KCNMB2: variants seen among roughly 807,000 people sequenced by gnomAD.
KCNMB2 encodes the protein calcium-activated potassium channel subunit beta-2.
KCNMB2 carries 9 observed loss-of-function variants against 24.5 expected under a neutral mutation model. That is an observed-to-expected ratio of 0.37 (90% CI 0.22 to 0.64). KCNMB2 has a LOEUF of 0.64. KCNMB2 is among the 30% of genes least tolerant of loss of function. KCNMB2 has a pLI of 0.63. For synonymous variants in KCNMB2, 109 were observed against 104.4 expected (o/e 1.04, Z -0.27); for missense variants, 226 against 284.3 (o/e 0.79, Z 1.47).
chr3:178,828,858 C>T (rs1376230268), intron 4 of KCNMB2, among the ~76,000 whole-genome samples: 2 of 151,702 alleles, frequency 1.3e-5, no homozygotes, highest in African/African-American at 2.4e-5. Context: ...CTTGCAAGGT[C>T]CTTATGAAGA....
chr3:178,756,137 A>G (rs889762985), intron 1 of KCNMB2, among the ~76,000 whole-genome samples: 1 of 152,206 alleles, frequency 6.6e-6, no homozygotes, highest in African/African-American at 2.4e-5. Context: ...AAAGCAAATT[A>G]TAAAATTGTG....
At chr3:178,675,012 T>C (rs1419931529) in intron 1 of KCNMB2, among the ~76,000 whole-genome samples, 1 of 152,252 alleles carries the variant, frequency 6.6e-6, no homozygotes, top group Non-Finnish European at 1.5e-5. Context: ...TTATGTCCTC[T>C]GCTAATTGTT....
At chr3:178,634,919 G>A (rs907892599) in intron 1 of KCNMB2, among the ~76,000 whole-genome samples, 2 of 152,160 alleles carry the variant, frequency 1.3e-5, no homozygotes, top group African/African-American at 4.8e-5. Context: ...GGTAAAATGG[G>A]AGAGATAGAG....
intron 1 of KCNMB2, among the ~76,000 whole-genome samples, chr3:178,626,759 TGAG>T (rs1161813818): frequency 6.6e-6 from 1 of 151,894 alleles, no homozygotes; most frequent in Non-Finnish European, 1.5e-5. Flanking sequence ...GAATTCAAGA[TGAG>T]ATTTGGGTGG....
intron 1 of KCNMB2, among the ~76,000 whole-genome samples, chr3:178,642,462 C>T (rs1719761910): frequency 6.6e-6 from 1 of 152,160 alleles, no homozygotes; most frequent in South Asian, 2.1e-4. Flanking sequence ...TGCTCCCCAC[C>T]TTCCTCACAG....
intron 1 of KCNMB2, among the ~76,000 whole-genome samples, chr3:178,691,175 T>A (rs550220323): frequency 6.8e-6 from 1 of 147,010 alleles, no homozygotes; most frequent in South Asian, 2.2e-4. Context: ...CTTGAACTCC[T>A]GACCTCAAAT....
At chr3:178,757,131 T>C (rs1341545799) in intron 1 of KCNMB2, 1 of 150,346 alleles carries the variant, frequency 6.7e-6, no homozygotes, top group Non-Finnish European at 1.5e-5. Flanking sequence ...TTAAGTTTAT[T>C]TCCTTCTTGT....
intron 1 of KCNMB2, among the ~76,000 whole-genome samples, chr3:178,552,390 A>C (rs12629827): frequency 6.6e-6 from 1 of 151,756 alleles, no homozygotes; most frequent in African/African-American, 2.4e-5. Context: ...ACCCCCCCCC[A>C]AAATATTCTA....
chr3:178,732,014 C>T (rs564380136), intron 1 of KCNMB2, among the ~76,000 whole-genome samples: 8 of 152,208 alleles, frequency 5.3e-5, no homozygotes, highest in African/African-American at 1.9e-4. Flanking sequence ...CCAGCAAAAT[C>T]CAGACCGTGG....
chr3:178,578,695 A>G (rs9868952), intron 1 of KCNMB2, among the ~76,000 whole-genome samples: 1,869 of 152,338 alleles, frequency 0.012, 37 homozygotes, highest in African/African-American at 0.043. Flanking sequence ...TTACTAACCA[A>G]ATGGAAAGCA....
At chr3:178,792,246 G>A (rs1232945578) in intron 1 of KCNMB2, among the ~76,000 whole-genome samples, 3 of 152,172 alleles carry the variant, frequency 2.0e-5, no homozygotes, top group Non-Finnish European at 4.4e-5. Flanking sequence ...AAAGTGGGAT[G>A]AATTGAGTTA....
At chr3:178,585,891 A>T (rs1473372062) in intron 1 of KCNMB2, among the ~76,000 whole-genome samples, 2 of 152,174 alleles carry the variant, frequency 1.3e-5, no homozygotes. Context: ...TTTAGGAGTG[A>T]TTCATTCTCA....
At chr3:178,711,071 A>C (rs974709555) in intron 1 of KCNMB2, among the ~76,000 whole-genome samples, 17 of 152,160 alleles carry the variant, frequency 1.1e-4, no homozygotes, top group African/African-American at 4.1e-4. Context: ...ATAGTTTATT[A>C]AGTTTTCTTT....
At chr3:178,704,769 G>A (rs979187185) in intron 1 of KCNMB2, among the ~76,000 whole-genome samples, 2 of 152,264 alleles carry the variant, frequency 1.3e-5, no homozygotes, top group South Asian at 2.1e-4. Flanking sequence ...AGAGAACCAA[G>A]ACTAAAGTCC....
chr3:178,651,631 G>A (rs1296544860), intron 1 of KCNMB2, among the ~76,000 whole-genome samples: 1 of 152,100 alleles, frequency 6.6e-6, no homozygotes, highest in African/African-American at 2.4e-5. Context: ...TAAGCAAAAA[G>A]AACAAAGCTG....
At chr3:178,633,207 T>C (rs1052444695) in intron 1 of KCNMB2, among the ~76,000 whole-genome samples, 1 of 152,208 alleles carries the variant, frequency 6.6e-6, no homozygotes, top group African/African-American at 2.4e-5. Flanking sequence ...TCTACCATTC[T>C]GGGGTCTGAA....
At chr3:178,625,341 C>T (rs918879234) in intron 1 of KCNMB2, among the ~76,000 whole-genome samples, 1 of 152,300 alleles carries the variant, frequency 6.6e-6, no homozygotes, top group Admixed American at 6.5e-5. Context: ...TGGACCCCCC[C>T]ACCCCAACTA....
chr3:178,726,977 A>G (rs540733744), intron 1 of KCNMB2, among the ~76,000 whole-genome samples: 3 of 147,782 alleles, frequency 2.0e-5, no homozygotes, highest in Non-Finnish European at 1.5e-5. Context: ...CCCTGGCTAG[A>G]GATCTAAAAA....
At chr3:178,660,402 T>C (rs1720482717) in intron 1 of KCNMB2, among the ~76,000 whole-genome samples, 1 of 152,142 alleles carries the variant, frequency 6.6e-6, no homozygotes, top group South Asian at 2.1e-4. Context: ...AACTCTGCCA[T>C]GAAGCCCAAC....
Sources: allele counts gnomAD v4.1 joint callset (sites outside exome capture counted in the v4.1 genomes callset), GRCh38; gene constraint gnomAD v4.1.1; transcripts MANE v1.5; gene names NCBI Gene and HGNC (gene_info 2026-07-23, HGNC 2026-07-21).